The following STX8 variants were observed in gnomAD, a reference collection of about 807,000 sequenced individuals.
STX8 encodes the protein syntaxin-8.
A neutral mutation model predicts 37.5 loss-of-function variants in STX8; 23 were observed. The ratio of observed to expected loss-of-function variants is 0.61; its 90% CI spans 0.44 to 0.87. The LOEUF is 0.87. Among genes scored for constraint, STX8 ranks in the 40% least tolerant of loss-of-function variants. The pLI is 0.00. For missense variants in STX8, 313 were observed against 284.7 expected (o/e 1.10, Z -0.71); for synonymous variants, 115 against 99.1 (o/e 1.16, Z -0.95).
At chr17:9,467,717 C>A (rs1414412314) in intron 6 of STX8, among the ~76,000 whole-genome samples, 1 of 152,206 alleles carries the variant, frequency 6.6e-6, no homozygotes, top group African/African-American at 2.4e-5. Flanking sequence ...AATCCACTCT[C>A]CGGAGTGGCT....
At chr17:9,508,411 C>A (rs1904913148) in intron 4 of STX8, among the ~76,000 whole-genome samples, 1 of 152,204 alleles carries the variant, frequency 6.6e-6, no homozygotes, top group African/African-American at 2.4e-5. Flanking sequence ...ACTGCAACCT[C>A]CACCTCCTGG....
Position 9,575,794 on chromosome 17 carries a change from G to A in STX8, c.15C>T (p.Pro5=). The A allele has an allele frequency of 1.9e-6, 3 of 1,543,768 alleles. No individual in the cohort carries two copies. Among genetic ancestry groups the A allele is most frequent in the Non-Finnish European group, 2.6e-6 (3 of 1,146,452 alleles). The part of the protein sequence containing the change: MAPD[P]WFSTYDSTCQ... ...CGCCGCCCTCACCCGGGACTCACCA[G>A]GGGTCCGGTGCCATCCTGCAGACTC... is the stretch of plus-strand genomic sequence containing the variant. The change falls in exon 1 of 8, where the codon CCC becomes CCT. Residue 5 remains proline (P), a splice_region_variant and synonymous_variant. Coordinates refer to ENST00000306357, the MANE Select transcript of STX8 (RefSeq NM_004853.3).
Position 9,350,268 on chromosome 17 carries a change from T to C in STX8, c.643+28284A>G, listed in dbSNP as rs540895247. ...TGGGGTGGGATGGCGTGAGATTTCA[T>C]CACACTTCTCAGAACAGCATGCAAT... is the stretch of plus-strand genomic sequence containing the variant. On this transcript the variant is annotated intron_variant, in intron 7 of 7. Transcript: ENST00000306357. Among the ~76,000 whole-genome samples, 77 of 152,382 alleles carry C rather than the reference T, an allele frequency of 5.1e-4. No homozygotes were observed. In the South Asian group the frequency reaches 0.011, roughly 23 times the overall value.
At chr17:9,461,227 C>T (rs2142420220) in intron 6 of STX8, 1 of 152,038 alleles carries the variant, frequency 6.6e-6, no homozygotes, top group East Asian at 1.9e-4. Flanking sequence ...GACAGTGAAC[C>T]AATCCAAAAC....
intron 6 of STX8, among the ~76,000 whole-genome samples, chr17:9,380,247 T>C (rs2142286843): frequency 6.7e-6 from 1 of 148,608 alleles, no homozygotes; most frequent in East Asian, 2.0e-4. Context: ...TGTTTGAATT[T>C]CTGTGTGTTT....
chr17:9,543,579 A>G (rs888381919), intron 4 of STX8, among the ~76,000 whole-genome samples: 1 of 152,192 alleles, frequency 6.6e-6, no homozygotes, highest in African/African-American at 2.4e-5. Flanking sequence ...TGCTAGGCTT[A>G]CAGGCGTGAG....
chr17:9,454,558 T>C (rs1225666849), intron 6 of STX8, among the ~76,000 whole-genome samples: 2 of 151,818 alleles, frequency 1.3e-5, no homozygotes, highest in East Asian at 1.9e-4. Context: ...CAGGCGCCTA[T>C]AGTCCCAGCT....
intron 7 of STX8, among the ~76,000 whole-genome samples, chr17:9,339,182 A>C (rs1910245635): frequency 6.6e-6 from 1 of 152,156 alleles, no homozygotes; most frequent in Non-Finnish European, 1.5e-5. Context: ...GAAACCCTAG[A>C]ATCAGACACC....
At chr17:9,463,482 A>G (rs1003765942) in intron 6 of STX8, among the ~76,000 whole-genome samples, 3 of 152,148 alleles carry the variant, frequency 2.0e-5, no homozygotes, top group Non-Finnish European at 4.4e-5. Flanking sequence ...TTCAAAGTCA[A>G]ATATTTACAG....
intron 7 of STX8, among the ~76,000 whole-genome samples, chr17:9,258,854 C>T (rs1012323446): frequency 9.9e-5 from 15 of 152,186 alleles, no homozygotes; most frequent in East Asian, 1.9e-4. Flanking sequence ...ATTTTCCACC[C>T]GCCCCAGGGC....
At chr17:9,306,949 C>T (rs1909015839) in intron 7 of STX8, among the ~76,000 whole-genome samples, 1 of 150,306 alleles carries the variant, frequency 6.7e-6, no homozygotes, top group Non-Finnish European at 1.5e-5. Context: ...CATGGTGAAA[C>T]CCCATCTCTA....
chr17:9,369,503 G>C (rs9911095), intron 7 of STX8, among the ~76,000 whole-genome samples: 6,062 of 152,192 alleles, frequency 0.04, 411 homozygotes, highest in African/African-American at 0.14. Flanking sequence ...TTCTCTGAGA[G>C]ACAAAAGTAG....
At chr17:9,280,982 C>CA (rs1907860871) in intron 7 of STX8, among the ~76,000 whole-genome samples, 1 of 152,112 alleles carries the variant, frequency 6.6e-6, no homozygotes, top group Non-Finnish European at 1.5e-5. Flanking sequence ...CACAGATAAG[C>CA]AGGAGAGTGG....
chr17:9,431,046 T>G (rs1477029844), intron 6 of STX8, among the ~76,000 whole-genome samples: 3 of 141,762 alleles, frequency 2.1e-5, no homozygotes, highest in Non-Finnish European at 4.6e-5. Context: ...TTAGTAGAGA[T>G]GGGGTTTCAC....
In STX8 at chr17:9,481,447, A is replaced by G. The variant is rs191669643; in HGVS notation, c.541+10382T>C. Among the ~76,000 whole-genome samples, 5 of 152,302 alleles carry G rather than the reference A, an allele frequency of 3.3e-5. No individual in the cohort carries two copies. The East Asian group carries it at 9.7e-4, about 29-fold the overall frequency. On this transcript the variant is annotated intron_variant, in intron 6 of 7. Coordinates refer to ENST00000306357, the MANE Select transcript of STX8 (RefSeq NM_004853.3). ...CGTACTTAAATTCTAGGGGTGTAGC[A>G]TCAGACAACATCACTCCTGCCATAG...
chr17:9,394,906 T>A (rs769904345), intron 6 of STX8, among the ~76,000 whole-genome samples: 1 of 150,518 alleles, frequency 6.6e-6, no homozygotes, highest in Non-Finnish European at 1.5e-5. Flanking sequence ...TGAAACCCCA[T>A]CTCTACTAAA....
At chr17:9,568,743 G>A (rs770120860) in intron 1 of STX8, among the ~76,000 whole-genome samples, 10 of 152,028 alleles carry the variant, frequency 6.6e-5, no homozygotes, top group African/African-American at 1.9e-4. Flanking sequence ...CTCGTGATCC[G>A]CCCCCTCGGC....
intron 6 of STX8, among the ~76,000 whole-genome samples, chr17:9,473,450 A>T (rs545864707): frequency 6.6e-6 from 1 of 152,290 alleles, no homozygotes; most frequent in East Asian, 1.9e-4. Flanking sequence ...CCATATACAA[A>T]ATCCATGGAT....
chr17:9,261,223 C>T (rs1047398280), intron 7 of STX8, among the ~76,000 whole-genome samples: 1 of 152,184 alleles, frequency 6.6e-6, no homozygotes, highest in Non-Finnish European at 1.5e-5. Context: ...GAGGCCGCCG[C>T]TTGGTCAGTG....
Sources: allele counts gnomAD v4.1 joint callset (sites outside exome capture counted in the v4.1 genomes callset), GRCh38; gene constraint gnomAD v4.1.1; transcripts MANE v1.5; gene names NCBI Gene and HGNC (gene_info 2026-07-23, HGNC 2026-07-21).